PIGR: variants seen among roughly 807,000 people sequenced by gnomAD.
The protein encoded by PIGR is hepatocellular carcinoma associated protein TB6.
A neutral mutation model predicts 69.5 loss-of-function variants in PIGR; 22 were observed. The observed-to-expected ratio is 0.32, with a 90% CI of 0.23 to 0.45. The LOEUF (loss-of-function observed/expected upper bound fraction) is 0.45. PIGR is among the 20% of genes least tolerant of loss of function. The probability of loss-of-function intolerance (pLI) is 1.00; values close to 1 mark genes in which losing one functional copy is unlikely to be tolerated. For missense variants in PIGR, 885 were observed against 974.0 expected, an observed-to-expected ratio of 0.91 and a Z score of 1.22; for synonymous variants, 413 against 407.6, an observed-to-expected ratio of 1.01 and a Z score of -0.16.
Position 206,930,619 on chromosome 1 carries a change from T to C in PIGR, c.2200-206A>G. 4.1e-6 allele frequency: 4 copies of C among 985,392 alleles called. No individual in the cohort carries two copies. The highest frequency in any genetic ancestry group is 4.8e-6 in the Non-Finnish European group (4 of 829,922). The allele number at this position is 985,392 out of a possible 1,614,324, so 61.0% of individuals were successfully genotyped here. On this transcript the variant is annotated intron_variant, in intron 10 of 10. Transcript: ENST00000356495. This position sits in a 1 kb window ranked among gnomAD's most constrained non-coding sequence, Gnocchi z 4.3. ...GAAAGTTGCAGCCTCTAAAAATATC[T>C]TCTTCTGTCTCACTACCTCCTTCTG...
chr1:206,934,270 C>A, intron 6 of PIGR, 150 bp downstream of exon 6: 1 of 636,740 alleles, frequency 1.6e-6, no homozygotes, highest in South Asian at 2.1e-5. Context: ...TATATAGGAC[C>A]TAAATGTCCC....
rs376735440 is a variant in PIGR at position 206,935,868 on chromosome 1, C to A, written c.1046-50G>T. ...TGGGAGGATGGCCACGCAGGAAGAGCCTTGCGTGGCCTGAGAAGCCTTCTT... is the reference window on the plus strand; with the variant it reads ...TGGGAGGATGGCCACGCAGGAAGAGACTTGCGTGGCCTGAGAAGCCTTCTT... On this transcript the variant is annotated intron_variant, in intron 4 of 10. Coordinates refer to ENST00000356495, the MANE Select transcript of PIGR (RefSeq NM_002644.4). The surrounding 1 kb of genome is among the most constrained non-coding windows in gnomAD (Gnocchi z 4.4). 7.9e-6 allele frequency: 11 copies of A among 1,386,918 alleles called. No homozygotes were observed. The highest frequency in any genetic ancestry group is 4.6e-5 in the East Asian group (2 of 43,346). The allele number at this position is 1,386,918 out of a possible 1,614,324, so 85.9% of individuals were successfully genotyped here. A position where few individuals can be genotyped will look rare whatever the true frequency, so the allele number is the denominator to read the frequency against.
intron 6 of PIGR, among the ~76,000 whole-genome samples, chr1:206,933,997 A>T (rs547417492): frequency 2.0e-5 from 3 of 151,964 alleles, no homozygotes; most frequent in African/African-American, 7.3e-5. Flanking sequence ...AGCCACCCAA[A>T]TAGCTGGGAT....
In PIGR at chr1:206,931,724, T is replaced by A. The variant is rs1679756492; in HGVS notation, c.2087A>T (p.Asp696Val). 1 of 1,614,062 alleles carries A rather than the reference T, an allele frequency of 6.2e-7. No individual in the cohort carries two copies. Among genetic ancestry groups the A allele is most frequent in the Non-Finnish European group, 8.5e-7 (1 of 1,180,028 alleles). The change falls in exon 9 of 11, where the codon GAC becomes GTC. Residue 696 changes from aspartate to valine, a missense_variant. Asp to Val is a radical substitution (Grantham distance 152). Transcript: ENST00000356495. ...AGTGATCGAAGAGGCTCCCATGTTGTCATTGGCTCCAAATTCCCTGGAGTT... is the reference window on the plus strand; with the variant it reads ...AGTGATCGAAGAGGCTCCCATGTTGACATTGGCTCCAAATTCCCTGGAGTT... The part of the protein sequence containing the change: ...FENSREFGAN[D>V]NMGASSITQE...
chr1:206,932,083 A>T (rs1679765866), intron 8 of PIGR, among the ~76,000 whole-genome samples: 1 of 152,160 alleles, frequency 6.6e-6, no homozygotes. Context: ...GGTCCTGATT[A>T]TCATCCTTGA....
intron 1 of PIGR, among the ~76,000 whole-genome samples, chr1:206,944,196 C>T (rs761479206): frequency 7.2e-5 from 11 of 152,192 alleles, no homozygotes; most frequent in African/African-American, 1.2e-4. Flanking sequence ...CACCTGGGGC[C>T]GGGCGTAGTG....
chr1:206,929,723 A>G lies in PIGR; in HGVS notation c.*595T>C, dbSNP rs1679692504. The G allele has an allele frequency of 6.6e-6, 1 of 152,274 alleles. No homozygotes were observed. Among genetic ancestry groups the G allele is most frequent in the Admixed American group, 6.5e-5 (1 of 15,292 alleles). The allele number at this position is 152,274 out of a possible 1,614,324, so 9.4% of individuals were successfully genotyped here. ...TCTCCCAATAGGGGCAGAGGTGAGC[A>G]CCCCTGGTGAAAAGTTAAGACTCAG... On this transcript the variant is annotated 3_prime_UTR_variant, in exon 11 of 11. Coordinates refer to ENST00000356495, the MANE Select transcript of PIGR (RefSeq NM_002644.4).
chr1:206,932,677 T>A, intron 7 of PIGR, 100 bp from the exon 8 acceptor site: 1 of 1,374,012 alleles, frequency 7.3e-7, no homozygotes, highest in Non-Finnish European at 9.7e-7. Flanking sequence ...CCCAGGTTTA[T>A]CCACCCCACC....
chr1:206,942,639 T>G (rs760741942), intron 1 of PIGR, among the ~76,000 whole-genome samples: 2 of 152,218 alleles, frequency 1.3e-5, no homozygotes. Flanking sequence ...GATGCAGCCC[T>G]CCTCTGGACT....
intron 6 of PIGR, 133 bp from the exon 7 acceptor site, chr1:206,933,299 C>T (rs1040636697): frequency 2.7e-5 from 21 of 782,282 alleles, no homozygotes; most frequent in Non-Finnish European, 3.6e-5. Context: ...TGGGGTAGGA[C>T]CCAGGATGAC....
chr1:206,938,103 C>A (rs1316959465), intron 3 of PIGR, among the ~76,000 whole-genome samples: 2 of 152,154 alleles, frequency 1.3e-5, no homozygotes, highest in Non-Finnish European at 2.9e-5. Flanking sequence ...AAGCACAATG[C>A]CTCTGGGTAG....
In PIGR at chr1:206,932,474, G is replaced by A. The variant is rs745336349; in HGVS notation, c.1990C>T (p.Arg664Trp). ...GAVAVGVARA[R>W]HRKNVDRVSI... Reference sequence around the variant, plus strand: ...GACTCACCGACGTTCTTCCTGTGCCGGGCTCTGGCCACCCCCACAGCCACG... The same window carrying A: ...GACTCACCGACGTTCTTCCTGTGCCAGGCTCTGGCCACCCCCACAGCCACG... The change falls in exon 8 of 11, where the codon CGG (arginine) becomes TGG (tryptophan). Residue 664 changes from arginine (R) to tryptophan (W), a missense_variant. Transcript: ENST00000356495. 7 of 1,612,170 alleles carry A rather than the reference G, an allele frequency of 4.3e-6. No homozygotes were observed. Among genetic ancestry groups the A allele is most frequent in the African/African-American group, 1.3e-5 (1 of 74,972 alleles).
At chr1:206,938,051 G>A (rs1679902475) in intron 3 of PIGR, among the ~76,000 whole-genome samples, 1 of 152,208 alleles carries the variant, frequency 6.6e-6, no homozygotes, top group Non-Finnish European at 1.5e-5. Context: ...TTCCTTGAAG[G>A]CTGGAACATG....
intron 3 of PIGR, 94 bp downstream of exon 3, chr1:206,939,025 A>G (rs947606616): frequency 4.4e-6 from 5 of 1,131,316 alleles, no homozygotes; most frequent in African/African-American, 1.5e-5. Flanking sequence ...CCGGCTACAC[A>G]TCCTTGTCAG....
At chr1:206,931,966 C>T in intron 8 of PIGR, 164 bp from the exon 9 acceptor site, 1 of 730,138 alleles carries the variant, frequency 1.4e-6, no homozygotes, top group Non-Finnish European at 2.3e-6. Context: ...GAGTCTCCTC[C>T]CCAGTCCCTT....
chr1:206,941,126 T>A (rs897315001), intron 1 of PIGR, among the ~76,000 whole-genome samples: 1 of 152,368 alleles, frequency 6.6e-6, no homozygotes, highest in South Asian at 2.1e-4. Context: ...TCTCAGGCAC[T>A]GTGTTGAATA....
chr1:206,931,981 T>C, intron 8 of PIGR, 179 bp from the exon 9 acceptor site: 1 of 679,276 alleles, frequency 1.5e-6, no homozygotes, highest in Non-Finnish European at 2.5e-6. Flanking sequence ...TCCCTTTTCC[T>C]GGGTAATCAG....
At chr1:206,942,846 CG>C (rs1680015106) in intron 1 of PIGR, among the ~76,000 whole-genome samples, 1 of 152,152 alleles carries the variant, frequency 6.6e-6, no homozygotes, top group African/African-American at 2.4e-5. Flanking sequence ...ACAGGCAGGT[CG>C]GGCAGATGGC....
intron 1 of PIGR, among the ~76,000 whole-genome samples, chr1:206,945,092 G>A (rs1322347305): frequency 6.6e-6 from 1 of 152,152 alleles, no homozygotes; most frequent in African/African-American, 2.4e-5. Context: ...TTGCTTTCCT[G>A]ACTCCTGGCT....
Sources: gnomAD v4.1 joint callset for allele counts (sites outside exome capture counted in the v4.1 genomes callset) on GRCh38, gnomAD v4.1.1 for gene constraint, Gnocchi (gnomAD v3.1) non-coding constraint, MANE v1.5 for transcripts, NCBI Gene and HGNC (gene_info 2026-07-23, HGNC 2026-07-21) for gene names.